The following BABAM2 variants were observed in gnomAD, a reference collection of about 807,000 sequenced individuals.
BABAM2 encodes BRISC and BRCA1-A complex member 2.
BABAM2 carries 31 observed loss-of-function variants against 54.7 expected under a neutral mutation model. That is an observed-to-expected ratio of 0.57 (90% CI 0.43 to 0.77). The LOEUF is 0.77. Among genes scored for constraint, BABAM2 ranks in the 30% least tolerant of loss-of-function variants. The pLI is 0.00. For missense variants in BABAM2, 364 were observed against 455.8 expected (o/e 0.80, Z 1.83); for synonymous variants, 167 against 162.9 (o/e 1.03, Z -0.19).
chr2:28,062,192 A>G lies in BABAM2; in HGVS notation c.570+16393A>G, dbSNP rs892180937. On this transcript the variant is annotated intron_variant, in intron 6 of 11. Transcript: ENST00000379624. ...AGAATTGCTTGAATCCAGGAGATGG[A>G]GGTTGCAGTGAGCTGAGATTGTGCC... Among the ~76,000 whole-genome samples, 5 of 145,920 alleles carry G rather than the reference A, an allele frequency of 3.4e-5. No homozygotes were observed. The Admixed American group carries it at 3.5e-4, about 10-fold the overall frequency.
chr2:28,174,585 G>A (rs1674714059), intron 7 of BABAM2, among the ~76,000 whole-genome samples: 1 of 152,162 alleles, frequency 6.6e-6, no homozygotes, highest in Non-Finnish European at 1.5e-5. Flanking sequence ...TGTGGGGAAA[G>A]GGGGAGAGAT....
chr2:27,971,447 C>G (rs1051161474), intron 3 of BABAM2, among the ~76,000 whole-genome samples: 15 of 152,052 alleles, frequency 9.9e-5, no homozygotes, highest in African/African-American at 3.6e-4. Context: ...TTTCCTATTG[C>G]TTCACATCTC....
At chr2:28,028,106 A>T (rs900111210) in intron 5 of BABAM2, among the ~76,000 whole-genome samples, 17 of 152,040 alleles carry the variant, frequency 1.1e-4, no homozygotes, top group African/African-American at 4.1e-4. Flanking sequence ...AGATGGAGTC[A>T]TTATAAATGC....
rs70956009 is a variant in BABAM2 at position 28,259,074 on chromosome 2, C to CTTTTTTTTTTTT, written c.934+14233_934+14244dup. On this transcript the variant is annotated intron_variant, in intron 10 of 11. Transcript: ENST00000379624. ...ACAGGCTTCAGCCACTGCACCTGGC[C>CTTTTTTTTTTTT]TTTTTTTTTTTTTTTTTTTTTTTTT... 8.5e-5 allele frequency among the ~76,000 whole-genome samples: 2 copies of CTTTTTTTTTTTT among 23,442 alleles called. 1 individual carries two copies. The highest frequency in any genetic ancestry group is 3.6e-4 in the African/African-American group (2 of 5,608). 15.4% of individuals were successfully genotyped at this position (23,442 alleles called of 152,430 possible).
chr2:27,939,112 C>G (rs999928873), intron 3 of BABAM2, among the ~76,000 whole-genome samples: 4 of 152,026 alleles, frequency 2.6e-5, no homozygotes, highest in African/African-American at 9.7e-5. Context: ...GCCACCATGC[C>G]CAGCTAATTT....
chr2:27,900,512 T>G (rs1364607611), intron 2 of BABAM2, among the ~76,000 whole-genome samples: 1 of 152,196 alleles, frequency 6.6e-6, no homozygotes, highest in Non-Finnish European at 1.5e-5. Context: ...TTGTTTAATT[T>G]ATGTTTATAC....
intron 6 of BABAM2, among the ~76,000 whole-genome samples, chr2:28,092,741 C>T (rs147618395): frequency 1.5e-3 from 196 of 130,100 alleles, no homozygotes; most frequent in Non-Finnish European, 2.3e-3. Flanking sequence ...TCTCTCCCTT[C>T]GTCTCTGCCT....
intron 2 of BABAM2, among the ~76,000 whole-genome samples, chr2:27,926,144 T>A (rs1365980909): frequency 2.6e-5 from 4 of 151,980 alleles, no homozygotes; most frequent in Admixed American, 2.0e-4. Flanking sequence ...AAAACATAGA[T>A]GTTTTTACTC....
intron 4 of BABAM2, among the ~76,000 whole-genome samples, chr2:28,003,151 T>C (rs534355884): frequency 6.6e-6 from 1 of 152,078 alleles, no homozygotes; most frequent in African/African-American, 2.4e-5. Context: ...GGGAAGTGAG[T>C]GACTGTAGGG....
At chr2:27,951,009 G>C (rs1395341961) in intron 3 of BABAM2, among the ~76,000 whole-genome samples, 1 of 151,960 alleles carries the variant, frequency 6.6e-6, no homozygotes, top group Non-Finnish European at 1.5e-5. Context: ...TGTGTTTCCT[G>C]ATCTTGGCCA....
intron 5 of BABAM2, among the ~76,000 whole-genome samples, chr2:28,042,601 G>C (rs1337194564): frequency 6.6e-6 from 1 of 152,128 alleles, no homozygotes; most frequent in Non-Finnish European, 1.5e-5. Context: ...CTGTTTTGGT[G>C]GAGTGGTGGT....
At chr2:28,131,578 T>A (rs1053803599) in intron 7 of BABAM2, among the ~76,000 whole-genome samples, 4 of 152,054 alleles carry the variant, frequency 2.6e-5, no homozygotes, top group Non-Finnish European at 4.4e-5. Context: ...GACATAATAA[T>A]ACCTATTTCT....
rs566182991 is a variant in BABAM2, at chr2:28,090,345, GGT to G, written c.571-38924_571-38923del. Among the ~76,000 whole-genome samples, 14 of 152,198 alleles carry G rather than the reference GGT, an allele frequency of 9.2e-5. No individual in the cohort carries two copies. In the East Asian group the frequency reaches 2.5e-3, roughly 27 times the overall value. On this transcript the variant is annotated intron_variant, in intron 6 of 11. Coordinates refer to ENST00000379624, the MANE Select transcript of BABAM2 (RefSeq NM_199191.3). ...CCGCAACCTCCCCCTCCTGGGTTCA[GGT>G]GATTCTCCTGCCTCAGCCTCCTGAG...
chr2:27,943,823 A>G (rs1481593415), intron 3 of BABAM2, among the ~76,000 whole-genome samples: 1 of 152,196 alleles, frequency 6.6e-6, no homozygotes, highest in Non-Finnish European at 1.5e-5. Flanking sequence ...GAGGCAGGTC[A>G]CCTTTGATTT....
At chr2:28,077,101 A>T (rs1199383618) in intron 6 of BABAM2, among the ~76,000 whole-genome samples, 1 of 152,204 alleles carries the variant, frequency 6.6e-6, no homozygotes, top group Non-Finnish European at 1.5e-5. Flanking sequence ...AGAGACAAAC[A>T]CTAAAATTAC....
At chr2:28,223,032 AT>A (rs999093682) in intron 7 of BABAM2, among the ~76,000 whole-genome samples, 1 of 152,218 alleles carries the variant, frequency 6.6e-6, no homozygotes, top group African/African-American at 2.4e-5. Context: ...ATTAGTGGAT[AT>A]TTTTTAAAAG....
At chr2:28,136,061 G>A (rs1476812814) in intron 7 of BABAM2, among the ~76,000 whole-genome samples, 1 of 152,070 alleles carries the variant, frequency 6.6e-6, no homozygotes, top group Admixed American at 6.6e-5. Flanking sequence ...TCCACCCTAG[G>A]CTGGACTCTA....
chr2:27,894,177 G>A (rs895797775), intron 1 of BABAM2, among the ~76,000 whole-genome samples: 1 of 152,156 alleles, frequency 6.6e-6, no homozygotes, highest in African/African-American at 2.4e-5. Context: ...TGTTGGGATA[G>A]AGGATTGTTA....
chr2:28,148,332 A>AT (rs149387904), intron 7 of BABAM2, among the ~76,000 whole-genome samples: 14 of 152,036 alleles, frequency 9.2e-5, no homozygotes, highest in Admixed American at 3.9e-4. Flanking sequence ...AAGCTTATGC[A>AT]TTTTTTCAAG....
Sources: gnomAD v4.1 joint callset for allele counts (sites outside exome capture counted in the v4.1 genomes callset) on GRCh38, gnomAD v4.1.1 for gene constraint, MANE v1.5 for transcripts, NCBI Gene and HGNC (gene_info 2026-07-23, HGNC 2026-07-21) for gene names.